NLGN1: variants seen among roughly 807,000 people sequenced by gnomAD.
The protein encoded by NLGN1 is neuroligin 1, also known as neuroligin-1.
In NLGN1, 12 loss-of-function variants were observed where a neutral mutation model predicts 65.5. That is an observed-to-expected ratio of 0.18 (90% CI 0.12 to 0.30). NLGN1 has a LOEUF of 0.30. Among genes scored for constraint, NLGN1 ranks in the 10% least tolerant of loss-of-function variants. The pLI, the probability that NLGN1 is intolerant of heterozygous loss-of-function variation, is 1.00. For synonymous variants in NLGN1, 350 were observed against 359.5 expected (o/e 0.97, Z 0.30); for missense variants, 750 against 1,007.1 (o/e 0.74, Z 3.46).
chr3:173,979,590 G>A (rs555192118), intron 4 of NLGN1, among the ~76,000 whole-genome samples: 1 of 152,082 alleles, frequency 6.6e-6, no homozygotes, highest in East Asian at 1.9e-4. Context: ...CAACAGCTAT[G>A]GTTAGTGTAA....
At chr3:174,288,674 A>G (rs115806301), downstream of NLGN1, among the ~76,000 whole-genome samples, 388 of 151,584 alleles carry the variant, frequency 2.6e-3, 7 homozygotes, top group African/African-American at 9.0e-3. Flanking sequence ...TTTGCTCCCA[A>G]GCCTAAGTTT....
intron 3 of NLGN1, among the ~76,000 whole-genome samples, chr3:173,618,244 G>A (rs1003651840): frequency 2.6e-5 from 4 of 152,028 alleles, no homozygotes; most frequent in African/African-American, 7.2e-5. Flanking sequence ...CATCCAGGCT[G>A]GAATGCAGTT....
Position 173,722,645 on chromosome 3 carries a change from C to T in NLGN1, c.494-85035C>T, listed in dbSNP as rs533648075. On this transcript the variant is annotated intron_variant, in intron 3 of 6. Coordinates refer to ENST00000457714, the Ensembl canonical transcript of NLGN1. ...CATTGTGCAGGCACTGCAGCCACATCAAATCCAGAGTCTGTCACACATAAT... is the reference window on the plus strand; with the variant it reads ...CATTGTGCAGGCACTGCAGCCACATTAAATCCAGAGTCTGTCACACATAAT... Among the ~76,000 whole-genome samples the T allele has an allele frequency of 6.6e-5, 10 of 152,290 alleles. No homozygotes were observed. The East Asian group carries it at 1.7e-3, about 26-fold the overall frequency.
chr3:174,033,610 C>G (rs1397688737), intron 4 of NLGN1, among the ~76,000 whole-genome samples: 5 of 151,730 alleles, frequency 3.3e-5, no homozygotes, highest in African/African-American at 7.3e-5. Flanking sequence ...AGTGAAATCT[C>G]TAAGAAAAAA....
At chr3:173,510,763 C>T (rs761469471) in intron 2 of NLGN1, among the ~76,000 whole-genome samples, 1 of 152,030 alleles carries the variant, frequency 6.6e-6, no homozygotes, top group Admixed American at 6.6e-5. Flanking sequence ...GATGAGAAGG[C>T]CCTAGAGAGA....
chr3:173,573,536 A>C lies in NLGN1; in HGVS notation c.-320-30743A>C, dbSNP rs142659413. Among the ~76,000 whole-genome samples the C allele has an allele frequency of 4.3e-3, 639 of 148,998 alleles. 6 individuals carry two copies. The highest frequency in any genetic ancestry group is 0.015 in the African/African-American group (598 of 40,988). ...CAGTATATTTAATATATAATCATTT[A>C]TAATATAATTATGTATATTGTATGT... On this transcript the variant is annotated intron_variant, in intron 2 of 6. Transcript: ENST00000457714.
At chr3:174,281,508 C>T (rs1005986959) in exon 7 of NLGN1, 13 of 479,506 alleles carry the variant, frequency 2.7e-5, no homozygotes, top group African/African-American at 2.4e-4. Context: ...TTGCTTGAAG[C>T]AATTGTTCTG....
chr3:174,075,059 T>C (rs1452877841), intron 4 of NLGN1, among the ~76,000 whole-genome samples: 1 of 152,144 alleles, frequency 6.6e-6, no homozygotes, highest in Non-Finnish European at 1.5e-5. Flanking sequence ...GCCAAACATC[T>C]CTTGGAGTGG....
intron 4 of NLGN1, among the ~76,000 whole-genome samples, chr3:174,083,889 G>A (rs773849282): frequency 6.6e-6 from 1 of 152,120 alleles, no homozygotes; most frequent in Non-Finnish European, 1.5e-5. Flanking sequence ...ACAGAGACAG[G>A]ACTGCTGCAC....
At chr3:174,165,011 C>A (rs1727243067) in intron 4 of NLGN1, among the ~76,000 whole-genome samples, 1 of 151,862 alleles carries the variant, frequency 6.6e-6, no homozygotes, top group Non-Finnish European at 1.5e-5. Flanking sequence ...TACAGCAGTG[C>A]TTTAAAATTC....
chr3:174,231,592 A>G (rs1475418731), intron 4 of NLGN1, among the ~76,000 whole-genome samples: 3 of 152,166 alleles, frequency 2.0e-5, no homozygotes, highest in South Asian at 2.1e-4. Context: ...TTCTCAGGCC[A>G]TATTTAGTTT....
chr3:173,933,219 G>C (rs934626593), intron 4 of NLGN1, among the ~76,000 whole-genome samples: 1 of 152,074 alleles, frequency 6.6e-6, no homozygotes, highest in Non-Finnish European at 1.5e-5. Flanking sequence ...GGGCACCTCC[G>C]GTGAAACACT....
intron 4 of NLGN1, among the ~76,000 whole-genome samples, chr3:174,049,610 T>A (rs1734372654): frequency 1.3e-5 from 2 of 152,146 alleles, no homozygotes; most frequent in South Asian, 4.1e-4. Flanking sequence ...CCCTGCCATC[T>A]TTCTTACTTA....
At chr3:173,616,293 A>G (rs747917847) in intron 3 of NLGN1, among the ~76,000 whole-genome samples, 22 of 152,074 alleles carry the variant, frequency 1.4e-4, no homozygotes, top group Middle Eastern at 6.8e-3. Flanking sequence ...CTTCTTCCTA[A>G]TCTCACTTTG....
intron 3 of NLGN1, among the ~76,000 whole-genome samples, chr3:173,767,157 G>C (rs750631721): frequency 4.6e-5 from 7 of 152,130 alleles, no homozygotes. Flanking sequence ...AGGGACTGGC[G>C]TGTTTTTCTT....
At chr3:174,086,822 T>C (rs534215600) in intron 4 of NLGN1, among the ~76,000 whole-genome samples, 1 of 152,296 alleles carries the variant, frequency 6.6e-6, no homozygotes, top group East Asian at 1.9e-4. Flanking sequence ...CAGTAGAATC[T>C]CTACAAAATC....
chr3:174,093,292 G>A (rs1244557322), intron 4 of NLGN1, among the ~76,000 whole-genome samples: 1 of 152,144 alleles, frequency 6.6e-6, no homozygotes, highest in African/African-American at 2.4e-5. Context: ...ATTCTGTTAT[G>A]GCTAAATAAG....
intron 4 of NLGN1, among the ~76,000 whole-genome samples, chr3:174,117,955 A>C (rs1399039519): frequency 6.6e-6 from 1 of 152,208 alleles, no homozygotes; most frequent in African/African-American, 2.4e-5. Context: ...CAAAGAGAAC[A>C]AAGAAATTCC....
intron 1 of NLGN1, among the ~76,000 whole-genome samples, chr3:173,434,364 A>G (rs988566704): frequency 7.9e-5 from 12 of 152,148 alleles, no homozygotes; most frequent in Non-Finnish European, 5.9e-5. Flanking sequence ...TTACCAGGTA[A>G]TGGGGCTAGG....
Sources: gnomAD v4.1 joint callset for allele counts (sites outside exome capture counted in the v4.1 genomes callset) on GRCh38, gnomAD v4.1.1 for gene constraint, MANE v1.5 for transcripts, NCBI Gene and HGNC (gene_info 2026-07-23, HGNC 2026-07-21) for gene names.